RAG1: variants seen among roughly 807,000 people sequenced by gnomAD.
RAG1 encodes recombination activating 1.
RAG1 carries 35 observed loss-of-function variants against 62.7 expected under a neutral mutation model. That is an observed-to-expected ratio of 0.56 (90% CI 0.43 to 0.74). The LOEUF (loss-of-function observed/expected upper bound fraction) is 0.74. RAG1 is among the 30% of genes least tolerant of loss of function. The pLI is 0.00. For synonymous variants in RAG1, 461 were observed against 470.3 expected, an observed-to-expected ratio of 0.98 and a Z score of 0.26; for missense variants, 1,169 against 1,278.6, an observed-to-expected ratio of 0.91 and a Z score of 1.31.
chr11:36,532,911 G>A (rs1860276458), intron 2 of RAG1, among the ~76,000 whole-genome samples: 1 of 152,160 alleles, frequency 6.6e-6, no homozygotes, highest in Admixed American at 6.5e-5. Context: ...TATGCCTAAT[G>A]TATAAACTTT....
intron 1 of RAG1, among the ~76,000 whole-genome samples, chr11:36,518,934 T>C (rs552640708): frequency 7.2e-4 from 109 of 152,358 alleles, no homozygotes; most frequent in African/African-American, 2.5e-3. Flanking sequence ...ATGTCCTAAA[T>C]GGTATGAGTG....
At chr11:36,527,245 T>C (rs1860177593) in intron 2 of RAG1, among the ~76,000 whole-genome samples, 1 of 152,198 alleles carries the variant, frequency 6.6e-6, no homozygotes, top group South Asian at 2.1e-4. Flanking sequence ...TAATCCATCT[T>C]GAGTTAATTT....
chr11:36,518,071 G>A (rs1590659671), intron 1 of RAG1, among the ~76,000 whole-genome samples: 4 of 142,374 alleles, frequency 2.8e-5, no homozygotes, highest in Admixed American at 1.6e-4. Context: ...TCCCACCTAT[G>A]AGTGAGAACA....
chr11:36,557,797 G>A (rs1051617649), intron 3 of RAG1, among the ~76,000 whole-genome samples: 1 of 152,198 alleles, frequency 6.6e-6, no homozygotes, highest in African/African-American at 2.4e-5. Context: ...ATTTTAATAT[G>A]TATCCTCAAG....
chr11:36,528,531 A>G (rs1860201919), intron 2 of RAG1, among the ~76,000 whole-genome samples: 1 of 152,148 alleles, frequency 6.6e-6, no homozygotes, highest in Non-Finnish European at 1.5e-5. Flanking sequence ...AGTGGCCACT[A>G]GAGAAAGCAG....
intron 2 of RAG1, among the ~76,000 whole-genome samples, chr11:36,528,764 G>T (rs1197387720): frequency 6.6e-6 from 1 of 151,490 alleles, no homozygotes; most frequent in East Asian, 1.9e-4. Context: ...TAATAAAGAA[G>T]AAAAGAGAGA....
At position 36,576,079 on chromosome 11, in the gene RAG1, G is replaced by A. The variant is rs777246735; in HGVS notation, c.2775G>A (p.Thr925=). ...AGCGTTTTGCTGAGCTCCTTTCTAC[G>A]AAGTTCAAGTATAGGTATGAGGGAA... is the stretch of plus-strand genomic sequence containing the variant. The part of the protein sequence containing the change: ...NSQRFAELLS[T]KFKYRYEGKI... The change falls in exon 2 of 2, where the codon ACG becomes ACA. Residue 925 remains threonine, a synonymous_variant. Coordinates refer to ENST00000299440, the MANE Select transcript of RAG1 (RefSeq NM_000448.3). The A allele has an allele frequency of 1.5e-5, 25 of 1,613,886 alleles. No individual in the cohort carries two copies. The highest frequency in any genetic ancestry group is 2.2e-5 in the East Asian group (1 of 44,886).
chr11:36,574,041 C>T lies in RAG1; in HGVS notation c.737C>T (p.Ala246Val), dbSNP rs1329911475. 3 of 1,613,988 alleles carry T rather than the reference C, an allele frequency of 1.9e-6. No homozygotes were observed. In the African/African-American group the frequency reaches 4.0e-5, roughly 22 times the overall value. The change falls in exon 2 of 2, where the codon GCC (alanine) becomes GTC (valine). Residue 246 changes from alanine (A) to valine (V), a missense_variant. Transcript: ENST00000299440. ...LKTVLDQARQ[A>V]RQHKRRAQAR... ...ACTGTGCTTGACCAAGCAAGACAAGCCCGTCAGCACAAGAGAAGAGCTCAG... is the reference window on the plus strand; with the variant it reads ...ACTGTGCTTGACCAAGCAAGACAAGTCCGTCAGCACAAGAGAAGAGCTCAG...
chr11:36,542,489 G>T (rs1850320612), intron 3 of RAG1, among the ~76,000 whole-genome samples: 2 of 152,202 alleles, frequency 1.3e-5, no homozygotes, highest in Non-Finnish European at 2.9e-5. Context: ...GTGAACTAGT[G>T]GCATCTGTTA....
In RAG1 at chr11:36,579,579, G is replaced by T; in HGVS notation, c.*3143G>T. The T allele has an allele frequency of 6.0e-6, 1 of 165,882 alleles. No individual in the cohort carries two copies. 10.3% of individuals were successfully genotyped at this position (165,882 alleles called of 1,614,324 possible). On this transcript the variant is annotated 3_prime_UTR_variant, in exon 2 of 2. Transcript: ENST00000299440. The stretch of plus-strand genomic sequence containing the variant: ...TTTTTGTATTTCAGAGAAAATTCAG[G>T]TACCAGGATGCAATGGATTTATTTG...
rs1469611062 is a variant in RAG1, at chr11:36,578,302, T to C, written c.*1866T>C. 1 of 166,938 alleles carries C rather than the reference T, an allele frequency of 6.0e-6. No homozygotes were observed. The highest frequency in any genetic ancestry group is 1.5e-5 in the Non-Finnish European group (1 of 68,112). The allele number at this position is 166,938 out of a possible 1,614,324, so 10.3% of individuals were successfully genotyped here. On this transcript the variant is annotated 3_prime_UTR_variant, in exon 2 of 2. Transcript: ENST00000299440. Reference sequence around the variant, plus strand: ...TTTTCCTTGCTTTTTATATGCAGAATATCAAAGTCATTTCTAATTTAGTTG... The same window carrying C: ...TTTTCCTTGCTTTTTATATGCAGAACATCAAAGTCATTTCTAATTTAGTTG...
chr11:36,529,201 T>C (rs939770801), intron 2 of RAG1, among the ~76,000 whole-genome samples: 7 of 152,216 alleles, frequency 4.6e-5, no homozygotes, highest in South Asian at 4.1e-4. Context: ...AAAGAAAATT[T>C]TAGGCCAATA....
chr11:36,544,396 C>A (rs1485725874), intron 3 of RAG1, among the ~76,000 whole-genome samples: 1 of 152,134 alleles, frequency 6.6e-6, no homozygotes, highest in Admixed American at 6.5e-5. Flanking sequence ...AGATAAGGAA[C>A]GAATTCCACC....
At chr11:36,539,247 A>G (rs1204671927), downstream of RAG1, among the ~76,000 whole-genome samples, 3 of 152,224 alleles carry the variant, frequency 2.0e-5, no homozygotes, top group Non-Finnish European at 4.4e-5. Context: ...GGAAGAACAC[A>G]GCGAGAAGGC....
At chr11:36,541,909 C>T (rs1254550638) in intron 3 of RAG1, among the ~76,000 whole-genome samples, 2 of 152,076 alleles carry the variant, frequency 1.3e-5, no homozygotes, top group Non-Finnish European at 2.9e-5. Flanking sequence ...CCGCCCCTAC[C>T]CAACTATCAA....
At chr11:36,558,257 A>G (rs1850531399) in intron 3 of RAG1, among the ~76,000 whole-genome samples, 1 of 152,190 alleles carries the variant, frequency 6.6e-6, no homozygotes, top group African/African-American at 2.4e-5. Flanking sequence ...GAGGTATTGG[A>G]TAAAACATTC....
chr11:36,575,006 T>A lies in RAG1; in HGVS notation c.1702T>A (p.Ser568Thr). 1.2e-6 allele frequency: 2 copies of A among 1,614,128 alleles called. No individual in the cohort carries two copies. The highest frequency in any genetic ancestry group is 1.7e-6 in the Non-Finnish European group (2 of 1,180,030). ...GTTCCGCTATGATTCAGCTTTGGTG[T>A]CTGCTTTGATGGACATGGAAGAAGA... ...KRFRYDSALVSALMDMEEDIL... is the reference protein window; with the variant it reads ...KRFRYDSALVTALMDMEEDIL... The change falls in exon 2 of 2, where the codon TCT (serine) becomes ACT (threonine). Residue 568 changes from serine to threonine, a missense_variant. Ser to Thr is a moderately conservative substitution (Grantham distance 58, BLOSUM62 1). This residue lies in a region of RAG1 where 800 missense variants were observed against 943.3 expected (regional missense o/e 0.85). Coordinates refer to ENST00000299440, the MANE Select transcript of RAG1 (RefSeq NM_000448.3). The surrounding 1 kb of genome is among the most constrained non-coding windows in gnomAD (Gnocchi z 4.1).
In RAG1 at chr11:36,575,451, G is replaced by A. The variant is rs1064793248; in HGVS notation, c.2147G>A (p.Arg716Gln). ...ACCGGCTATGATGAAAAACTTGTGC[G>A]GGAAGTGGAAGGCCTCGAGGCTTCT... ...RGTGYDEKLV[R>Q]EVEGLEASGS... Residue 716 changes from arginine to glutamine, a missense_variant, in exon 2 of 2, where the codon CGG becomes CAG. By Grantham distance (43) the Arg-to-Gln change is conservative. Around this residue, in one of 2 missense-constraint regions of RAG1, gnomAD observed 800 missense variants for 943.3 expected, o/e 0.85. Coordinates refer to ENST00000299440, the MANE Select transcript of RAG1 (RefSeq NM_000448.3). This position sits in a 1 kb window ranked among gnomAD's most constrained non-coding sequence, Gnocchi z 4.1. The A allele has an allele frequency of 5.6e-6, 9 of 1,614,038 alleles. No homozygotes were observed. Among genetic ancestry groups the A allele is most frequent in the South Asian group, 1.1e-5 (1 of 91,074 alleles).
At chr11:36,511,518 C>CT (rs1859922535) in intron 1 of RAG1, among the ~76,000 whole-genome samples, 2 of 152,086 alleles carry the variant, frequency 1.3e-5, no homozygotes, top group African/African-American at 2.4e-5. Context: ...ATAAATGTTA[C>CT]CAATACTATA....
Sources: gnomAD v4.1 joint callset for allele counts (sites outside exome capture counted in the v4.1 genomes callset) on GRCh38, gnomAD v4.1.1 for gene constraint, gnomAD v4.1.1 regional missense constraint, Gnocchi (gnomAD v3.1) non-coding constraint, MANE v1.5 for transcripts, NCBI Gene and HGNC (gene_info 2026-07-23, HGNC 2026-07-21) for gene names.